DGCR2: variants seen among roughly 807,000 people sequenced by gnomAD.
The protein encoded by DGCR2 is integral membrane protein DGCR2/IDD.
A neutral mutation model predicts 51.6 loss-of-function variants in DGCR2; 24 were observed. That is an observed-to-expected ratio of 0.47 (90% CI 0.34 to 0.65). DGCR2 has a LOEUF of 0.65. Ranked by LOEUF, DGCR2 falls within the 30% of genes least tolerant of loss-of-function variation. DGCR2 has a pLI of 0.01. For synonymous variants in DGCR2, 340 were observed against 315.4 expected, an observed-to-expected ratio of 1.08 and a Z score of -0.82; for missense variants, 765 against 772.1, an observed-to-expected ratio of 0.99 and a Z score of 0.11.
chr22:19,074,014 T>G (rs57475524), intron 2 of DGCR2, among the ~76,000 whole-genome samples: 1 of 152,082 alleles, frequency 6.6e-6, no homozygotes. Flanking sequence ...CTCTGACTGA[T>G]AGAGATCTGT....
intron 1 of DGCR2, among the ~76,000 whole-genome samples, chr22:19,113,474 G>A (rs116663608): frequency 0.012 from 1,767 of 151,948 alleles, 39 homozygotes; most frequent in African/African-American, 0.04. Flanking sequence ...AGATGGAGTC[G>A]CAGCATACTC....
chr22:19,089,443 G>C lies in DGCR2; in HGVS notation c.127C>G (p.Gln43Glu). 6.2e-7 allele frequency: 1 copy of C among 1,608,078 alleles called. No homozygotes were observed. The highest frequency in any genetic ancestry group is 8.5e-7 in the Non-Finnish European group (1 of 1,177,024). The stretch of plus-strand genomic sequence containing the variant: ...CACTGCCAGGGGAGGGGGATGCACT[G>C]GATGGTGCCGCTGCGACACGCAAAC... ...GQFACRSGTI[Q>E]CIPLPWQCDG... Residue 43 changes from glutamine to glutamate, a missense_variant, in exon 2 of 10, where the codon CAG becomes GAG. Physicochemically the swap from Gln to Glu is conservative, Grantham distance 29 (BLOSUM62 2). This residue lies in a region of DGCR2 where 370 missense variants were observed against 325.5 expected (regional missense o/e 1.14). Transcript: ENST00000263196.
At position 19,089,505 on chromosome 22, in the gene DGCR2, G is replaced by A. The variant is rs761281167; in HGVS notation, c.80-15C>T. Reference sequence around the variant, plus strand: ...GCACCGCAGCTCTGTGGGACCAAAGGGTGAGAGGCCATTGAGGAAGTGGCA... The same window carrying A: ...GCACCGCAGCTCTGTGGGACCAAAGAGTGAGAGGCCATTGAGGAAGTGGCA... On this transcript the variant is annotated splice_polypyrimidine_tract_variant and intron_variant, in intron 1 of 9. Coordinates refer to ENST00000263196, the MANE Select transcript of DGCR2 (RefSeq NM_005137.3). 16 of 1,543,914 alleles carry A rather than the reference G, an allele frequency of 1.0e-5. No homozygotes were observed. Among genetic ancestry groups the A allele is most frequent in the Admixed American group, 1.9e-5 (1 of 52,962 alleles).
Position 19,118,527 on chromosome 22 carries a change from G to C in DGCR2, c.79+3601C>G, listed in dbSNP as rs1353333175. Among the ~76,000 whole-genome samples the C allele has an allele frequency of 2.0e-5, 3 of 152,270 alleles. No individual in the cohort carries two copies. The East Asian group carries it at 5.8e-4, about 29-fold the overall frequency. ...TGAGCTAGCAGCCAGCTCCACCTGG[G>C]TCTGAACCCACGCTCTGCTGCTCAC... On this transcript the variant is annotated intron_variant, in intron 1 of 9. Transcript: ENST00000263196.
intron 1 of DGCR2, among the ~76,000 whole-genome samples, chr22:19,092,796 A>G (rs1170998069): frequency 6.6e-6 from 1 of 152,228 alleles, no homozygotes; most frequent in Non-Finnish European, 1.5e-5. Context: ...ATTGCTGAGA[A>G]AAAACATTTT....
intron 1 of DGCR2, among the ~76,000 whole-genome samples, chr22:19,119,072 TG>T (rs1399133196): frequency 6.6e-6 from 1 of 152,092 alleles, no homozygotes; most frequent in Non-Finnish European, 1.5e-5. Context: ...AGTATCCACA[TG>T]GAAAAAGATT....
At chr22:19,062,779 A>ATTCATTTTCTCTCTCTCT in intron 5 of DGCR2, among the ~76,000 whole-genome samples, 1 of 127,354 alleles carries the variant, frequency 7.9e-6, no homozygotes, top group Non-Finnish European at 1.8e-5. Flanking sequence ...ATGCATGCTC[A>ATTCATTTTCTCTCTCTCT]CTCTCTCTCT....
chr22:19,105,126 C>A (rs112053706), intron 1 of DGCR2, among the ~76,000 whole-genome samples: 5,601 of 152,256 alleles, frequency 0.037, 311 homozygotes, highest in African/African-American at 0.13. Flanking sequence ...AATTCAAGAC[C>A]AGCCTGGACA....
At chr22:19,052,936 C>T (rs781722290) in intron 6 of DGCR2, among the ~76,000 whole-genome samples, 1 of 152,214 alleles carries the variant, frequency 6.6e-6, no homozygotes, top group Non-Finnish European at 1.5e-5. Flanking sequence ...GGCCAGACCA[C>T]ATATGACCAA....
intron 6 of DGCR2, 147 bp downstream of exon 6, chr22:19,056,839 G>T: frequency 2.3e-6 from 2 of 870,938 alleles, no homozygotes; most frequent in Non-Finnish European, 3.4e-6. Context: ...CTGCAAATGG[G>T]CCCCAAGAAC....
At chr22:19,046,449 G>C (rs1190563946) in intron 7 of DGCR2, 2 of 155,046 alleles carry the variant, frequency 1.3e-5, no homozygotes, top group Admixed American at 6.4e-5. Context: ...ATGCAATCAT[G>C]TGATCTGCAA....
intron 4 of DGCR2, 119 bp from the exon 5 acceptor site, chr22:19,063,397 G>C (rs896017790): frequency 7.6e-6 from 7 of 917,800 alleles, no homozygotes; most frequent in Admixed American, 4.1e-5. Flanking sequence ...ATGGAGTGCA[G>C]TGGTGCGATC....
chr22:19,065,229 A>G, intron 3 of DGCR2, 162 bp from the exon 4 acceptor site: 1 of 617,624 alleles, frequency 1.6e-6, no homozygotes, highest in Non-Finnish European at 2.9e-6. Flanking sequence ...CACATTGCAG[A>G]AATGCTCAAG....
chr22:19,088,443 A>C (rs78974409), intron 2 of DGCR2, among the ~76,000 whole-genome samples: 2,500 of 152,328 alleles, frequency 0.016, 88 homozygotes, highest in East Asian at 0.062. Context: ...AGGAAAACAT[A>C]AAGGAAGCAC....
chr22:19,114,010 G>T (rs1380463796), intron 1 of DGCR2, among the ~76,000 whole-genome samples: 1 of 143,192 alleles, frequency 7.0e-6, no homozygotes, highest in Admixed American at 7.3e-5. Context: ...AGTGAGCTGA[G>T]ATTGCACCAC....
chr22:19,106,361 G>A (rs58439694), intron 1 of DGCR2, among the ~76,000 whole-genome samples: 4,189 of 152,274 alleles, frequency 0.028, 101 homozygotes, highest in South Asian at 0.066. Context: ...AGAGAGGATG[G>A]GAGGCAGGAA....
intron 2 of DGCR2, among the ~76,000 whole-genome samples, chr22:19,076,063 A>G (rs566389400): frequency 6.6e-6 from 1 of 151,676 alleles, no homozygotes; most frequent in African/African-American, 2.4e-5. Flanking sequence ...GGCTCAAGCA[A>G]CTCTCCTGCC....
intron 3 of DGCR2, among the ~76,000 whole-genome samples, chr22:19,066,137 C>A (rs551631593): frequency 1.3e-5 from 2 of 152,204 alleles, no homozygotes; most frequent in African/African-American, 4.8e-5. Context: ...CAGTGGCTCA[C>A]GCCTGTAATT....
intron 4 of DGCR2, 45 bp from the exon 5 acceptor site, chr22:19,063,323 G>C (rs956495051): frequency 8.3e-6 from 13 of 1,565,056 alleles, no homozygotes; most frequent in African/African-American, 2.7e-5. Flanking sequence ...CGGCAGGAGG[G>C]ATGCAACCAT....
Sources: allele counts gnomAD v4.1 joint callset (sites outside exome capture counted in the v4.1 genomes callset), GRCh38; gene constraint gnomAD v4.1.1; regional missense constraint gnomAD v4.1.1; transcripts MANE v1.5; gene names NCBI Gene and HGNC (gene_info 2026-07-23, HGNC 2026-07-21).